Variants in TSHZ3 observed in about 807,000 individuals in gnomAD.
TSHZ3 encodes teashirt homolog 3.
TSHZ3 carries 10 observed loss-of-function variants against 64.5 expected under a neutral mutation model. That is an observed-to-expected ratio of 0.16 (90% confidence interval 0.10 to 0.26). The LOEUF (loss-of-function observed/expected upper bound fraction) is 0.26. Among genes scored for constraint, TSHZ3 ranks in the 10% least tolerant of loss-of-function variants. The pLI, the probability that TSHZ3 is intolerant of heterozygous loss-of-function variation, is 1.00. For synonymous variants in TSHZ3, 608 were observed against 593.1 expected, an observed-to-expected ratio of 1.03 and a Z score of -0.36; for missense variants, 1,242 against 1,421.7, an observed-to-expected ratio of 0.87 and a Z score of 2.03.
intron 1 of TSHZ3, among the ~76,000 whole-genome samples, chr19:31,296,760 AT>A (rs1290653619): frequency 7.9e-5 from 12 of 152,124 alleles, no homozygotes; most frequent in Non-Finnish European, 1.3e-4. Context: ...GGGAGTGGGC[AT>A]TTGGGGCTGC....
chr19:31,350,645 G>C (rs887306930), upstream of TSHZ3, among the ~76,000 whole-genome samples: 64 of 151,490 alleles, frequency 4.2e-4, 1 homozygote, highest in Middle Eastern at 6.9e-3. Flanking sequence ...GCTCCGGGCC[G>C]GCCCGGCCGA....
intron 5 of TSHZ3, among the ~76,000 whole-genome samples, chr19:31,181,073 G>A (rs141456353): frequency 6.6e-6 from 1 of 152,198 alleles, no homozygotes; most frequent in African/African-American, 2.4e-5. Context: ...TGACACAATG[G>A]CAGGGCAGGT....
chr19:31,259,854 A>G (rs1404154227), intron 1 of TSHZ3, among the ~76,000 whole-genome samples: 1 of 152,124 alleles, frequency 6.6e-6, no homozygotes, highest in Non-Finnish European at 1.5e-5. Context: ...GCCCAGGCCA[A>G]GGATTTTGTC....
At chr19:31,211,794 G>T (rs904437007) in intron 4 of TSHZ3, among the ~76,000 whole-genome samples, 2 of 152,120 alleles carry the variant, frequency 1.3e-5, no homozygotes, top group African/African-American at 4.8e-5. Context: ...TTGGCCTGGG[G>T]GTGACAAAGC....
At chr19:31,253,016 A>G (rs1306742348) in intron 1 of TSHZ3, among the ~76,000 whole-genome samples, 2 of 152,216 alleles carry the variant, frequency 1.3e-5, no homozygotes, top group Non-Finnish European at 2.9e-5. Context: ...AGATATTTTA[A>G]TTTTCTCTGC....
intron 4 of TSHZ3, among the ~76,000 whole-genome samples, chr19:31,218,594 C>A (rs778377457): frequency 1.3e-5 from 2 of 152,144 alleles, no homozygotes; most frequent in Non-Finnish European, 2.9e-5. Context: ...ATAAAAACTC[C>A]CACGTGGATA....
At chr19:31,214,909 G>GAAAAAAAAAAAAA in intron 4 of TSHZ3, among the ~76,000 whole-genome samples, 1 of 41,856 alleles carries the variant, frequency 2.4e-5, no homozygotes, top group Non-Finnish European at 5.1e-5. Context: ...CTCTGTCTCA[G>GAAAAAAAAAAAAA]AAAAAAAAAA....
At chr19:31,220,363 C>T (rs943470736) in intron 4 of TSHZ3, among the ~76,000 whole-genome samples, 1 of 152,152 alleles carries the variant, frequency 6.6e-6, no homozygotes, top group African/African-American at 2.4e-5. Flanking sequence ...GGGAGACTTG[C>T]AGGAGAAAGG....
Position 31,213,611 on chromosome 19 carries a change from G to C in TSHZ3, n.687-8533C>G, listed in dbSNP as rs77247556. On this transcript the variant is annotated intron_variant and non_coding_transcript_variant, in intron 4 of 6. Coordinates refer to the TSHZ3 transcript ENST00000651361. ...TGTAGGTTCCTCAGTTGTAACAAAG[G>C]TACCACCCTGGTGGGGGATGTTGGT... 9.7e-4 allele frequency among the ~76,000 whole-genome samples: 148 copies of C among 152,216 alleles called. No individual in the cohort carries two copies. In the East Asian group the frequency reaches 0.022, roughly 23 times the overall value.
chr19:31,255,480 C>G (rs1001507998), intron 1 of TSHZ3, among the ~76,000 whole-genome samples: 19 of 152,240 alleles, frequency 1.2e-4, no homozygotes, highest in African/African-American at 4.3e-4. Context: ...GCCTTATTTT[C>G]AAATCACTGC....
intron 5 of TSHZ3, among the ~76,000 whole-genome samples, chr19:31,184,631 A>G (rs1974774396): frequency 1.3e-5 from 2 of 152,186 alleles, no homozygotes; most frequent in African/African-American, 2.4e-5. Flanking sequence ...TTGCTAATTA[A>G]ACTGCATTTT....
At chr19:31,342,252 T>A (rs1181390877) in intron 1 of TSHZ3, among the ~76,000 whole-genome samples, 1 of 152,194 alleles carries the variant, frequency 6.6e-6, no homozygotes, top group Non-Finnish European at 1.5e-5. Context: ...TTGGGGTGTA[T>A]TTTCTCTAGC....
At chr19:31,181,919 A>G (rs1314243142) in intron 5 of TSHZ3, among the ~76,000 whole-genome samples, 2 of 152,084 alleles carry the variant, frequency 1.3e-5, no homozygotes, top group Non-Finnish European at 2.9e-5. Context: ...TACATGCAGG[A>G]CTCCAAAGAG....
chr19:31,267,387 G>A (rs1375272673), intron 1 of TSHZ3, among the ~76,000 whole-genome samples: 5 of 152,080 alleles, frequency 3.3e-5, no homozygotes, highest in African/African-American at 1.2e-4. Flanking sequence ...GTTCAAATGG[G>A]CCATGGTGGT....
intron 3 of TSHZ3, among the ~76,000 whole-genome samples, chr19:31,234,632 T>C (rs572855190): frequency 6.6e-6 from 1 of 152,244 alleles, no homozygotes; most frequent in South Asian, 2.1e-4. Context: ...ATCTATCTAC[T>C]GGGATTATTA....
Position 31,276,703 on chromosome 19 carries a change from C to G in TSHZ3, c.3090G>C (p.Thr1030=). ...QTKSPSEKMV[T]SSPEEDLGTS... ...TCCCCAGGTCTTCCTCGGGGGAGGA[C>G]GTCACCATTTTTTCTGACGGTGACT... The change falls in exon 2 of 2, where the codon ACG becomes ACC. Residue 1030 remains threonine, a synonymous_variant. Transcript: ENST00000240587. 1 of 1,613,716 alleles carries G rather than the reference C, an allele frequency of 6.2e-7. No individual in the cohort carries two copies. Among genetic ancestry groups the G allele is most frequent in the East Asian group, 2.2e-5 (1 of 44,864 alleles).
Position 31,225,476 on chromosome 19 carries a change from C to T in TSHZ3, n.686+2529G>A, listed in dbSNP as rs150883800. Among the ~76,000 whole-genome samples the T allele has an allele frequency of 4.0e-3, 609 of 152,324 alleles. 3 individuals carry two copies. Among genetic ancestry groups the T allele is most frequent in the African/African-American group, 0.013 (536 of 41,578 alleles). On this transcript the variant is annotated intron_variant and non_coding_transcript_variant, in intron 4 of 6. Coordinates refer to the TSHZ3 transcript ENST00000651361. Reference sequence around the variant, plus strand: ...CCTTTTACCACAGCAACATGTTCAACGCATCTTATGGCCTCAAACCCCAAT... The same window carrying T: ...CCTTTTACCACAGCAACATGTTCAATGCATCTTATGGCCTCAAACCCCAAT...
chr19:31,153,887 C>G (rs2145096024), intron 6 of TSHZ3, among the ~76,000 whole-genome samples: 1 of 152,264 alleles, frequency 6.6e-6, no homozygotes, highest in South Asian at 2.1e-4. Context: ...GTTATTGGCC[C>G]CAATTCTCAG....
rs765005248 is a variant in TSHZ3, at chr19:31,279,183, A to C, written c.610T>G (p.Tyr204Asp). The change falls in exon 2 of 2, where the codon TAT becomes GAT. Residue 204 changes from tyrosine (Y) to aspartate (D), a missense_variant. Physicochemically the swap from Tyr to Asp is radical, Grantham distance 160 (BLOSUM62 -3). Transcript: ENST00000240587. This position sits in a 1 kb window ranked among gnomAD's most constrained non-coding sequence, Gnocchi z 6.4. ...CTGGCCCCCGTGAAGATGGAGCCATAGAGCTTGCTGCTCTGCCGGTACAGC... is the reference window on the plus strand; with the variant it reads ...CTGGCCCCCGTGAAGATGGAGCCATCGAGCTTGCTGCTCTGCCGGTACAGC... Reference protein sequence around the residue: ...VQLYRQSSKLYGSIFTGASKF... With the variant: ...VQLYRQSSKLDGSIFTGASKF... The C allele has an allele frequency of 3.1e-6, 5 of 1,613,770 alleles. No homozygotes were observed.
Sources: gnomAD v4.1 joint callset for allele counts (sites outside exome capture counted in the v4.1 genomes callset) on GRCh38, gnomAD v4.1.1 for gene constraint, Gnocchi (gnomAD v3.1) non-coding constraint, MANE v1.5 for transcripts, NCBI Gene and HGNC (gene_info 2026-07-23, HGNC 2026-07-21) for gene names.